Variants in SCCPDH observed in about 807,000 individuals in gnomAD.
SCCPDH encodes saccharopine dehydrogenase-like oxidoreductase.
In SCCPDH, 34 loss-of-function variants were observed where a neutral mutation model predicts 51.5. That is an observed-to-expected ratio of 0.66 (90% CI 0.50 to 0.88). The LOEUF (loss-of-function observed/expected upper bound fraction) is 0.88. Ranked by LOEUF, SCCPDH falls within the 40% of genes least tolerant of loss-of-function variation. The probability of loss-of-function intolerance (pLI) is 0.00; values close to 1 mark genes in which losing one functional copy is unlikely to be tolerated. For missense variants in SCCPDH, 464 were observed against 527.1 expected (o/e 0.88, Z 1.17); for synonymous variants, 187 against 191.3 (o/e 0.98, Z 0.19).
At chr1:246,749,730 A>G (rs2102987096) in intron 5 of SCCPDH, among the ~76,000 whole-genome samples, 1 of 152,320 alleles carries the variant, frequency 6.6e-6, no homozygotes, top group Non-Finnish European at 1.5e-5. Flanking sequence ...CTCTAGGAGG[A>G]CAAGATTCCC....
intron 2 of SCCPDH, among the ~76,000 whole-genome samples, chr1:246,730,361 T>A (rs1165466677): frequency 2.6e-5 from 4 of 152,218 alleles, no homozygotes; most frequent in African/African-American, 9.6e-5. Flanking sequence ...AGCTTCACCC[T>A]GGAAGTCCTC....
rs78127097 is a variant in SCCPDH at position 246,727,018 on chromosome 1, C to G, written c.303+14C>G. The G allele has an allele frequency of 0.014, 20,738 of 1,503,106 alleles. 665 individuals are homozygous for G. The highest frequency in any genetic ancestry group is 0.083 in the South Asian group (7,348 of 88,690). 93.1% of individuals were successfully genotyped at this position (1,503,106 alleles called of 1,614,324 possible). On this transcript the variant is annotated intron_variant, in intron 2 of 11. Transcript: ENST00000366510. ...TGCGTAGGACCAGTAAGTAATCAACCCTTCTTTGTATCAGAACAAACAATC... is the reference window on the plus strand; with the variant it reads ...TGCGTAGGACCAGTAAGTAATCAACGCTTCTTTGTATCAGAACAAACAATC...
In SCCPDH at chr1:246,736,034, C is replaced by T. The variant is rs866400422; in HGVS notation, c.363C>T (p.Ile121=). 9 of 1,610,630 alleles carry T rather than the reference C, an allele frequency of 5.6e-6. No homozygotes were observed. Among genetic ancestry groups the T allele is most frequent in the African/African-American group, 2.7e-5 (2 of 74,730 alleles). The part of the protein sequence containing the change: ...KACIENGASC[I]DISGEPQFLE... ...GTATTGAAAATGGAGCCAGTTGTAT[C>T]GACATCAGTGGAGAACCTCAGGTAT... The change falls in exon 3 of 12, where the codon ATC becomes ATT. Residue 121 remains isoleucine (I), a synonymous_variant. Transcript: ENST00000366510.
At position 246,767,384 on chromosome 1, in the gene SCCPDH, T is replaced by C. The variant is rs149763104; in HGVS notation, c.*84T>C. 120 of 715,332 alleles carry C rather than the reference T, an allele frequency of 1.7e-4. No homozygotes were observed. In the African/African-American group the frequency reaches 2.1e-3, roughly 13 times the overall value. The allele number at this position is 715,332 out of a possible 1,614,324, so 44.3% of individuals were successfully genotyped here. On this transcript the variant is annotated 3_prime_UTR_variant, in exon 12 of 12. Coordinates refer to ENST00000366510, the MANE Select transcript of SCCPDH (RefSeq NM_016002.3). ...TATTTGAAATTCTTCTGTAAGCCTG[T>C]CTGAGTGTATGTGGAAACGATTGTC...
chr1:246,760,981 G>C (rs1669003711), intron 9 of SCCPDH, among the ~76,000 whole-genome samples: 1 of 152,050 alleles, frequency 6.6e-6, no homozygotes, highest in African/African-American at 2.4e-5. Context: ...TAAAATAATT[G>C]AGAGCACTGT....
chr1:246,748,377 A>G (rs1419860201), intron 5 of SCCPDH, among the ~76,000 whole-genome samples: 1 of 152,202 alleles, frequency 6.6e-6, no homozygotes, highest in Admixed American at 6.5e-5. Context: ...CAAAGCGGTA[A>G]GTCTTTGTAA....
At chr1:246,744,484 AT>A (rs956939245) in intron 5 of SCCPDH, among the ~76,000 whole-genome samples, 1 of 151,274 alleles carries the variant, frequency 6.6e-6, no homozygotes. Context: ...ACGCCCGGCT[AT>A]TTTTTTTGTA....
chr1:246,767,170 GT>G, intron 11 of SCCPDH, 24 bp from the exon 12 acceptor site: 1 of 1,552,768 alleles, frequency 6.4e-7, no homozygotes, highest in Non-Finnish European at 8.8e-7. Context: ...TGAGTGCACT[GT>G]TTTCTCTTGT....
intron 4 of SCCPDH, among the ~76,000 whole-genome samples, chr1:246,742,099 A>C (rs1668690680): frequency 6.6e-6 from 1 of 152,228 alleles, no homozygotes; most frequent in South Asian, 2.1e-4. Context: ...GAATGAATGA[A>C]TGTCAGAAGG....
chr1:246,752,315 TCTC>T (rs1572302685), intron 5 of SCCPDH, among the ~76,000 whole-genome samples: 1 of 152,160 alleles, frequency 6.6e-6, no homozygotes, highest in African/African-American at 2.4e-5. Context: ...AGGTCTGGCT[TCTC>T]CTAGCATTTA....
intron 2 of SCCPDH, among the ~76,000 whole-genome samples, chr1:246,732,232 C>T: frequency 6.6e-6 from 1 of 152,080 alleles, no homozygotes; most frequent in East Asian, 1.9e-4. Context: ...GCAGTATAAC[C>T]AGTTAGGGCC....
intron 9 of SCCPDH, among the ~76,000 whole-genome samples, chr1:246,761,390 T>C (rs752042100): frequency 3.9e-5 from 6 of 152,208 alleles, no homozygotes; most frequent in Non-Finnish European, 7.3e-5. Flanking sequence ...TTTCTTCTTA[T>C]TGTGGTAAAA....
intron 3 of SCCPDH, among the ~76,000 whole-genome samples, chr1:246,739,587 A>G (rs1454203497): frequency 6.6e-6 from 1 of 152,234 alleles, no homozygotes; most frequent in Non-Finnish European, 1.5e-5. Context: ...CATATATGTC[A>G]GTACTGGTTC....
chr1:246,744,793 T>G (rs1297154482), intron 5 of SCCPDH, among the ~76,000 whole-genome samples: 1 of 151,930 alleles, frequency 6.6e-6, no homozygotes, highest in Middle Eastern at 3.4e-3. Flanking sequence ...TTTTGTTTTT[T>G]TTTTTCTTTT....
rs116297066 is a variant in SCCPDH at position 246,730,385 on chromosome 1, C to T, written c.303+3381C>T. Among the ~76,000 whole-genome samples the T allele has an allele frequency of 4.3e-3, 651 of 152,334 alleles. 6 individuals are homozygous for T. Among genetic ancestry groups the T allele is most frequent in the African/African-American group, 0.015 (619 of 41,570 alleles). On this transcript the variant is annotated intron_variant, in intron 2 of 11. Transcript: ENST00000366510. Reference sequence around the variant, plus strand: ...CTGGAAGTCCTCGTCTCCTCCACTGCGTCTTTGTCCTCCCCACTCTAAATG... The same window carrying T: ...CTGGAAGTCCTCGTCTCCTCCACTGTGTCTTTGTCCTCCCCACTCTAAATG...
chr1:246,740,836 C>A (rs1330981841), intron 4 of SCCPDH, among the ~76,000 whole-genome samples: 3 of 152,050 alleles, frequency 2.0e-5, no homozygotes, highest in African/African-American at 7.2e-5. Context: ...ATCTTAGCTA[C>A]TTGGGAGGTT....
At chr1:246,760,918 AC>A (rs1200692351) in intron 9 of SCCPDH, among the ~76,000 whole-genome samples, 1 of 151,968 alleles carries the variant, frequency 6.6e-6, no homozygotes, top group African/African-American at 2.4e-5. Flanking sequence ...TTCAAAATCT[AC>A]CCAACTGCAG....
chr1:246,749,064 C>T (rs562254310), intron 5 of SCCPDH, among the ~76,000 whole-genome samples: 1 of 152,282 alleles, frequency 6.6e-6, no homozygotes, highest in South Asian at 2.1e-4. Flanking sequence ...CGGGGGCTGA[C>T]CCACAAGGCT....
chr1:246,764,866 C>CA (rs1371061403), intron 10 of SCCPDH, among the ~76,000 whole-genome samples: 1 of 152,242 alleles, frequency 6.6e-6, no homozygotes, highest in African/African-American at 2.4e-5. Flanking sequence ...CAGAGACAGA[C>CA]AGGTCCACTT....
Sources: allele counts gnomAD v4.1 joint callset (sites outside exome capture counted in the v4.1 genomes callset), GRCh38; gene constraint gnomAD v4.1.1; transcripts MANE v1.5; gene names NCBI Gene and HGNC (gene_info 2026-07-23, HGNC 2026-07-21).